The following PPP2R2A variants were observed in gnomAD, a reference collection of about 807,000 sequenced individuals.
PPP2R2A encodes the protein protein phosphatase 2 regulatory subunit Balpha, also known as serine/threonine-protein phosphatase 2A 55 kDa regulatory subunit B alpha isoform.
A neutral mutation model predicts 53.2 loss-of-function variants in PPP2R2A; 9 were observed. The ratio of observed to expected loss-of-function variants is 0.17; its 90% confidence interval spans 0.10 to 0.30. PPP2R2A has a LOEUF of 0.30. Ranked by LOEUF, PPP2R2A falls within the 10% of genes least tolerant of loss-of-function variation. The pLI, the probability that PPP2R2A is intolerant of heterozygous loss-of-function variation, is 1.00. For synonymous variants in PPP2R2A, 169 were observed against 174.2 expected, an observed-to-expected ratio of 0.97 and a Z score of 0.23; for missense variants, 235 against 534.6, an observed-to-expected ratio of 0.44 and a Z score of 5.53.
intron 3 of PPP2R2A, among the ~76,000 whole-genome samples, chr8:26,348,449 C>T (rs1804331857): frequency 6.6e-6 from 1 of 152,090 alleles, no homozygotes; most frequent in Non-Finnish European, 1.5e-5. Context: ...TTGTTTCATG[C>T]ACAAAATTAA....
intron 1 of PPP2R2A, chr8:26,293,262 T>G: frequency 1.3e-6 from 2 of 1,535,594 alleles, no homozygotes; most frequent in Non-Finnish European, 1.7e-6. Flanking sequence ...CCCGAAGTTT[T>G]CTCTTCGTTC....
intron 1 of PPP2R2A, chr8:26,293,298 T>C: frequency 1.3e-6 from 2 of 1,525,224 alleles, no homozygotes; most frequent in Admixed American, 2.0e-5. Flanking sequence ...TTTAACCTTA[T>C]TAACTCTTCT....
At chr8:26,307,605 G>A (rs1404510280) in intron 2 of PPP2R2A, among the ~76,000 whole-genome samples, 1 of 152,138 alleles carries the variant, frequency 6.6e-6, no homozygotes, top group Non-Finnish European at 1.5e-5. Flanking sequence ...TTGGAATAAA[G>A]CTTTGTTAAA....
chr8:26,369,898 ATGCTGTCAACTT>A (rs1428166322), intron 9 of PPP2R2A, among the ~76,000 whole-genome samples: 1 of 152,190 alleles, frequency 6.6e-6, no homozygotes, highest in East Asian at 1.9e-4. Context: ...TTACTTGAGG[ATGCTGTCAACTT>A]TGCTGATAGT....
chr8:26,337,885 A>C lies in PPP2R2A; in HGVS notation c.83-1005A>C, dbSNP rs1585376838. ...CCTTCTCAAAATCTGGGCTTTAAAA[A>C]ATTGCTAAAAGAAAATTATGAAATG... On this transcript the variant is annotated intron_variant, in intron 2 of 9. Coordinates refer to ENST00000380737, the MANE Select transcript of PPP2R2A (RefSeq NM_002717.4). Among the ~76,000 whole-genome samples the C allele has an allele frequency of 2.0e-5, 3 of 152,384 alleles. 1 individual carries two copies. The Middle Eastern group carries it at 0.01, about 518-fold the overall frequency.
chr8:26,293,841 G>A (rs755365721), intron 2 of PPP2R2A, 101 bp downstream of exon 2: 13 of 1,074,212 alleles, frequency 1.2e-5, no homozygotes, highest in Non-Finnish European at 1.8e-5. Context: ...AATTCAAGAT[G>A]ATTTTGTTGT....
At chr8:26,307,549 T>C (rs190063506) in intron 2 of PPP2R2A, among the ~76,000 whole-genome samples, 3 of 152,372 alleles carry the variant, frequency 2.0e-5, no homozygotes, top group Admixed American at 2.0e-4. Context: ...TTGTTAATAT[T>C]CCTTAAAATG....
chr8:26,363,977 C>A, intron 8 of PPP2R2A, 87 bp downstream of exon 8: 1 of 1,248,468 alleles, frequency 8.0e-7, no homozygotes, highest in Non-Finnish European at 1.1e-6. Flanking sequence ...GGTTTTAATC[C>A]CTGTATGGTG....
At chr8:26,309,971 C>T (rs1029373942) in intron 2 of PPP2R2A, among the ~76,000 whole-genome samples, 2 of 151,774 alleles carry the variant, frequency 1.3e-5, no homozygotes, top group African/African-American at 4.8e-5. Flanking sequence ...AGACACAAAG[C>T]TAGCACATGT....
chr8:26,362,982 A>G lies in PPP2R2A; in HGVS notation c.802+134A>G. On this transcript the variant is annotated intron_variant, in intron 7 of 9. Coordinates refer to ENST00000380737, the MANE Select transcript of PPP2R2A (RefSeq NM_002717.4). The surrounding 1 kb of genome is among the most constrained non-coding windows in gnomAD (Gnocchi z 4.4). ...GTCCAGAGCCACTTGTACCCTTGGT[A>G]ATCTGCCTACCTCCTCATGAGGCAT... 3 of 775,236 alleles carry G rather than the reference A, an allele frequency of 3.9e-6. No individual in the cohort carries two copies. The highest frequency in any genetic ancestry group is 3.6e-5 in the South Asian group (2 of 55,280). The allele number at this position is 775,236 out of a possible 1,614,324, so 48.0% of individuals were successfully genotyped here.
At chr8:26,299,583 C>G (rs1473679478) in intron 2 of PPP2R2A, among the ~76,000 whole-genome samples, 2 of 151,950 alleles carry the variant, frequency 1.3e-5, no homozygotes, top group African/African-American at 4.8e-5. Flanking sequence ...TAAAATATGC[C>G]CCAAATAAGG....
At chr8:26,359,793 A>C (rs765803565) in intron 4 of PPP2R2A, among the ~76,000 whole-genome samples, 3 of 152,090 alleles carry the variant, frequency 2.0e-5, no homozygotes, top group Non-Finnish European at 4.4e-5. Context: ...GTTCCCTTTA[A>C]ATTTTTTAAA....
rs1183095168 is a variant in PPP2R2A, at chr8:26,331,628, G to C, written c.83-7262G>C. ...AGAAAGATACGAGTTATTATAGCCAGCTTGACGAGAGCATTTTCTTCCAGG... is the reference window on the plus strand; with the variant it reads ...AGAAAGATACGAGTTATTATAGCCACCTTGACGAGAGCATTTTCTTCCAGG... On this transcript the variant is annotated intron_variant, in intron 2 of 9. Transcript: ENST00000380737. 2.0e-5 allele frequency among the ~76,000 whole-genome samples: 3 copies of C among 152,210 alleles called. No homozygotes were observed. The East Asian group carries it at 5.8e-4, about 29-fold the overall frequency.
At chr8:26,365,188 G>A (rs1290586424) in intron 8 of PPP2R2A, 5 of 152,182 alleles carry the variant, frequency 3.3e-5, no homozygotes, top group Non-Finnish European at 4.4e-5. Flanking sequence ...TTGGAGTAGT[G>A]ATTAAAAGTA....
chr8:26,352,454 C>G (rs143956826), intron 3 of PPP2R2A, among the ~76,000 whole-genome samples: 1 of 152,308 alleles, frequency 6.6e-6, no homozygotes, highest in African/African-American at 2.4e-5. Context: ...CTGCTGCTGT[C>G]ATTTCTGCCA....
At chr8:26,296,092 T>C (rs1801528624) in intron 2 of PPP2R2A, among the ~76,000 whole-genome samples, 1 of 152,232 alleles carries the variant, frequency 6.6e-6, no homozygotes, top group Non-Finnish European at 1.5e-5. Context: ...CTTCTTTGCA[T>C]ACCTGCTTTC....
chr8:26,354,769 A>C lies in PPP2R2A; in HGVS notation c.346+136A>C. 2.4e-6 allele frequency: 2 copies of C among 823,142 alleles called. No homozygotes were observed. The highest frequency in any genetic ancestry group is 3.3e-6 in the Non-Finnish European group (2 of 605,796). 51.0% of individuals were successfully genotyped at this position (823,142 alleles called of 1,614,324 possible). A position where few individuals can be genotyped will look rare whatever the true frequency, so the allele number is the denominator to read the frequency against. On this transcript the variant is annotated intron_variant, in intron 4 of 9. Transcript: ENST00000380737. This position sits in a 1 kb window ranked among gnomAD's most constrained non-coding sequence, Gnocchi z 4.6. ...TTTTTCTATACAGAATGTAAACTCT[A>C]CTTTTTTACTGTCACTTGCAGTTTT... is the stretch of plus-strand genomic sequence containing the variant.
At chr8:26,337,735 C>T (rs1306079670) in intron 2 of PPP2R2A, among the ~76,000 whole-genome samples, 2 of 152,152 alleles carry the variant, frequency 1.3e-5, no homozygotes, top group Non-Finnish European at 2.9e-5. Context: ...AGATAATATG[C>T]ACATTTTTAT....
chr8:26,337,771 T>C (rs1803740980), intron 2 of PPP2R2A, among the ~76,000 whole-genome samples: 1 of 152,230 alleles, frequency 6.6e-6, no homozygotes, highest in Non-Finnish European at 1.5e-5. Flanking sequence ...TGCAGTTTTG[T>C]GGGAGAGCAT....
Sources: gnomAD v4.1 joint callset for allele counts (sites outside exome capture counted in the v4.1 genomes callset) on GRCh38, gnomAD v4.1.1 for gene constraint, Gnocchi (gnomAD v3.1) non-coding constraint, MANE v1.5 for transcripts, NCBI Gene and HGNC (gene_info 2026-07-23, HGNC 2026-07-21) for gene names.